The following VPS8 variants were observed in gnomAD, a reference collection of about 807,000 sequenced individuals.
VPS8 encodes vacuolar protein sorting-associated protein 8 homolog.
Under a neutral mutation model 216.4 loss-of-function variants are expected in VPS8, and 129 were observed. That is an observed-to-expected ratio of 0.60 (90% confidence interval 0.52 to 0.69). The LOEUF (loss-of-function observed/expected upper bound fraction) is 0.69, where lower values mean the gene tolerates loss of function less well. Ranked by LOEUF, VPS8 falls within the 30% of genes least tolerant of loss-of-function variation. The probability of loss-of-function intolerance (pLI) is 0.00; values close to 1 mark genes in which losing one functional copy is unlikely to be tolerated. For missense variants in VPS8, 1,531 were observed against 1,683.5 expected (o/e 0.91, Z 1.59); for synonymous variants, 571 against 565.4 (o/e 1.01, Z -0.14).
chr3:185,023,974 A>G (rs1443763196), intron 45 of VPS8, among the ~76,000 whole-genome samples: 1 of 152,242 alleles, frequency 6.6e-6, no homozygotes, highest in African/African-American at 2.4e-5. Context: ...GGGATATTAC[A>G]TCACAGTAGA....
intron 25 of VPS8, among the ~76,000 whole-genome samples, chr3:184,910,365 T>C (rs1195632747): frequency 1.3e-5 from 2 of 152,188 alleles, no homozygotes; most frequent in Admixed American, 6.5e-5. Context: ...CTGCTGTGCT[T>C]GCCACACAGA....
At chr3:184,818,682 G>A (rs1716887468) in intron 1 of VPS8, among the ~76,000 whole-genome samples, 1 of 152,094 alleles carries the variant, frequency 6.6e-6, no homozygotes, top group African/African-American at 2.4e-5. Context: ...AATAAAATTT[G>A]CATGTAATGT....
chr3:185,021,002 T>A (rs1236967716), intron 45 of VPS8, among the ~76,000 whole-genome samples: 1 of 151,928 alleles, frequency 6.6e-6, no homozygotes, highest in Non-Finnish European at 1.5e-5. Flanking sequence ...AACCCAGGAG[T>A]TGGAGGTTGC....
At chr3:184,987,511 T>C (rs1186290194) in intron 42 of VPS8, among the ~76,000 whole-genome samples, 1 of 152,208 alleles carries the variant, frequency 6.6e-6, no homozygotes, top group Non-Finnish European at 1.5e-5. Flanking sequence ...TTGGCTTTTT[T>C]CACTTAGCAA....
intron 42 of VPS8, among the ~76,000 whole-genome samples, chr3:184,993,263 CT>C (rs1448401021): frequency 6.6e-6 from 1 of 152,102 alleles, no homozygotes; most frequent in East Asian, 1.9e-4. Context: ...AGAAACAAGA[CT>C]AGAGAAATAT....
At chr3:184,970,638 A>G (rs1163477577) in intron 39 of VPS8, among the ~76,000 whole-genome samples, 1 of 152,202 alleles carries the variant, frequency 6.6e-6, no homozygotes, top group East Asian at 1.9e-4. Context: ...TTGGAGGGTG[A>G]GATGAGCCCA....
intron 46 of VPS8, among the ~76,000 whole-genome samples, chr3:185,028,940 G>T (rs1363545004): frequency 6.6e-6 from 1 of 152,190 alleles, no homozygotes; most frequent in Non-Finnish European, 1.5e-5. Context: ...ACTTCCTGGT[G>T]GTTTATGAGA....
At chr3:184,840,348 T>G (rs1721890553) in intron 7 of VPS8, 1 of 152,220 alleles carries the variant, frequency 6.6e-6, no homozygotes, top group Admixed American at 6.5e-5. Flanking sequence ...TTAAACCTTC[T>G]TTGCTTTTGA....
chr3:184,843,297 T>G, intron 8 of VPS8, 52 bp downstream of exon 8: 1 of 1,313,484 alleles, frequency 7.6e-7, no homozygotes, highest in South Asian at 1.8e-5. Context: ...GTCTTTTTAA[T>G]GTTGGAAGAG....
At position 184,969,398 on chromosome 3, in the gene VPS8, G is replaced by A. The variant is rs553729572; in HGVS notation, c.3317-2251G>A. On this transcript the variant is annotated intron_variant, in intron 39 of 47. Transcript: ENST00000625842. ...CCCAAAGTGCTGGGATTACAGGTATGAGCCACTGTACCCAGCCCCACCCCC... is the reference window on the plus strand; with the variant it reads ...CCCAAAGTGCTGGGATTACAGGTATAAGCCACTGTACCCAGCCCCACCCCC... Among the ~76,000 whole-genome samples, 6 of 134,160 alleles carry A rather than the reference G, an allele frequency of 4.5e-5. No homozygotes were observed. The South Asian group carries it at 1.5e-3, about 33-fold the overall frequency. 88.0% of individuals were successfully genotyped at this position (134,160 alleles called of 152,430 possible). A position where few individuals can be genotyped will look rare whatever the true frequency, so the allele number is the denominator to read the frequency against.
chr3:184,892,256 C>T (rs1259113156), intron 22 of VPS8, among the ~76,000 whole-genome samples: 2 of 152,144 alleles, frequency 1.3e-5, no homozygotes, highest in Admixed American at 6.5e-5. Flanking sequence ...GATAGAGTTT[C>T]GCTCAGTTGC....
intron 40 of VPS8, among the ~76,000 whole-genome samples, chr3:184,976,921 A>G (rs1749368061): frequency 1.3e-5 from 2 of 152,170 alleles, no homozygotes; most frequent in Non-Finnish European, 2.9e-5. Context: ...TGCAGTCAAC[A>G]TATGGTACAT....
intron 37 of VPS8, among the ~76,000 whole-genome samples, chr3:184,961,169 A>T (rs1698094165): frequency 6.6e-6 from 1 of 152,198 alleles, no homozygotes; most frequent in African/African-American, 2.4e-5. Flanking sequence ...TAGCACATTC[A>T]TTGCCTTCAT....
chr3:184,838,801 A>C (rs1052334594), intron 6 of VPS8, 55 bp downstream of exon 6: 2 of 1,362,122 alleles, frequency 1.5e-6, no homozygotes, highest in Admixed American at 4.9e-5. Flanking sequence ...GGGTTTTCTT[A>C]GATTTATCAT....
At chr3:184,963,200 C>G (rs533247939) in intron 37 of VPS8, among the ~76,000 whole-genome samples, 2 of 152,178 alleles carry the variant, frequency 1.3e-5, no homozygotes, top group African/African-American at 2.4e-5. Flanking sequence ...AGATCACATT[C>G]TCAAGTTTCT....
chr3:184,935,447 T>C (rs1741434428), intron 34 of VPS8, among the ~76,000 whole-genome samples: 1 of 152,210 alleles, frequency 6.6e-6, no homozygotes, highest in South Asian at 2.1e-4. Flanking sequence ...AATTAAGAGA[T>C]ACATTGTGAA....
chr3:185,049,624 A>T (rs1713734256), intron 47 of VPS8, among the ~76,000 whole-genome samples: 1 of 152,144 alleles, frequency 6.6e-6, no homozygotes, highest in South Asian at 2.1e-4. Context: ...TCCCTTGCTT[A>T]TAACACATTC....
chr3:184,957,353 C>A, intron 36 of VPS8, 21 bp from the exon 37 acceptor site: 1 of 1,584,292 alleles, frequency 6.3e-7, no homozygotes, highest in South Asian at 1.1e-5. Flanking sequence ...TGAGTGTTCT[C>A]TTTATCTTTT....
At position 184,826,269 on chromosome 3, in the gene VPS8, G is replaced by A. The variant is rs754836100; in HGVS notation, c.222+38G>A. ...TAATGATTACTGTCATTTTGTGTGT[G>A]GCATTCATCTTAATACTTTTTGGAT... is the stretch of plus-strand genomic sequence containing the variant. On this transcript the variant is annotated intron_variant, in intron 3 of 47. Transcript: ENST00000625842. 5 of 1,537,474 alleles carry A rather than the reference G, an allele frequency of 3.3e-6. No individual in the cohort carries two copies. The South Asian group carries it at 3.5e-5, about 11-fold the overall frequency.
Sources: allele counts gnomAD v4.1 joint callset (sites outside exome capture counted in the v4.1 genomes callset), GRCh38; gene constraint gnomAD v4.1.1; transcripts MANE v1.5; gene names NCBI Gene and HGNC (gene_info 2026-07-23, HGNC 2026-07-21).